PRKG1: variants seen among roughly 807,000 people sequenced by gnomAD.
The protein encoded by PRKG1 is cGMP-dependent protein kinase 1.
A neutral mutation model predicts 88.1 loss-of-function variants in PRKG1; 35 were observed. The observed-to-expected ratio is 0.40, with a 90% CI of 0.30 to 0.53. PRKG1 has a LOEUF of 0.53. Ranked by LOEUF, PRKG1 falls within the 20% of genes least tolerant of loss-of-function variation. PRKG1 has a pLI of 0.59. For synonymous variants in PRKG1, 303 were observed against 292.5 expected (o/e 1.04, Z -0.37); for missense variants, 540 against 839.8 (o/e 0.64, Z 4.41).
intron 2 of PRKG1, among the ~76,000 whole-genome samples, chr10:51,396,121 A>G (rs999791714): frequency 1.3e-5 from 2 of 152,212 alleles, no homozygotes; most frequent in Non-Finnish European, 2.9e-5. Context: ...TGCCATGGCT[A>G]ATGCCTGTAA....
intron 4 of PRKG1, among the ~76,000 whole-genome samples, chr10:51,895,022 G>A (rs562161701): frequency 1.3e-5 from 2 of 152,232 alleles, no homozygotes; most frequent in East Asian, 3.9e-4. Context: ...TTGTCTAAAT[G>A]AGAATTATAG....
intron 3 of PRKG1, among the ~76,000 whole-genome samples, chr10:51,776,165 C>A (rs1470017099): frequency 1.3e-5 from 2 of 151,746 alleles, no homozygotes; most frequent in South Asian, 2.1e-4. Context: ...GATTAACATT[C>A]AAAAAATGAT....
intron 3 of PRKG1, among the ~76,000 whole-genome samples, chr10:51,506,484 G>C (rs1841208471): frequency 6.6e-6 from 1 of 152,152 alleles, no homozygotes; most frequent in Admixed American, 6.5e-5. Flanking sequence ...ATCAACAAGT[G>C]GGCAAAGGAT....
At chr10:51,538,610 A>G (rs1589057502) in intron 3 of PRKG1, among the ~76,000 whole-genome samples, 1 of 150,808 alleles carries the variant, frequency 6.6e-6, no homozygotes, top group East Asian at 1.9e-4. Context: ...ATTCTACCAT[A>G]CCTGACTGTG....
At chr10:51,088,007 C>T (rs182212619) in intron 1 of PRKG1, among the ~76,000 whole-genome samples, 4 of 152,282 alleles carry the variant, frequency 2.6e-5, no homozygotes, top group Admixed American at 2.6e-4. Flanking sequence ...TCAAACGATC[C>T]ACCAGCCTTG....
intron 3 of PRKG1, among the ~76,000 whole-genome samples, chr10:51,504,005 T>G (rs1841114867): frequency 6.6e-6 from 1 of 152,144 alleles, no homozygotes; most frequent in Non-Finnish European, 1.5e-5. Context: ...AGAACAAAAG[T>G]AAGACAGAAA....
intron 3 of PRKG1, among the ~76,000 whole-genome samples, chr10:51,789,737 A>G (rs1351815623): frequency 6.6e-6 from 1 of 152,160 alleles, no homozygotes; most frequent in African/African-American, 2.4e-5. Context: ...GATGAACAAG[A>G]TGATACATTT....
At chr10:52,061,898 C>T (rs1225663142) in intron 6 of PRKG1, among the ~76,000 whole-genome samples, 2 of 151,768 alleles carry the variant, frequency 1.3e-5, no homozygotes, top group South Asian at 2.1e-4. Context: ...AAGGGACAGG[C>T]GTATCCTAGA....
intron 2 of PRKG1, among the ~76,000 whole-genome samples, chr10:51,231,004 T>G (rs1297806992): frequency 6.6e-6 from 1 of 152,180 alleles, no homozygotes; most frequent in Non-Finnish European, 1.5e-5. Context: ...CCCTGGTTAC[T>G]GTAAACCATT....
intron 2 of PRKG1, among the ~76,000 whole-genome samples, chr10:51,327,066 A>C (rs541460937): frequency 1.3e-5 from 2 of 152,330 alleles, no homozygotes; most frequent in Admixed American, 6.5e-5. Flanking sequence ...AACCTAAAAA[A>C]TATATAACCT....
chr10:51,620,978 T>C (rs184582472), intron 3 of PRKG1, among the ~76,000 whole-genome samples: 267 of 134,628 alleles, frequency 2.0e-3, no homozygotes, highest in African/African-American at 6.9e-3. Context: ...TGATTCCGTA[T>C]ATGTATGTGT....
chr10:52,083,984 T>C (rs1311195178), intron 7 of PRKG1, among the ~76,000 whole-genome samples: 1 of 152,016 alleles, frequency 6.6e-6, no homozygotes, highest in African/African-American at 2.4e-5. Context: ...AAATTCAAGT[T>C]TACATGAATA....
intron 7 of PRKG1, among the ~76,000 whole-genome samples, chr10:52,093,963 G>A (rs916633259): frequency 6.6e-6 from 1 of 152,124 alleles, no homozygotes; most frequent in Non-Finnish European, 1.5e-5. Context: ...ACCAGATTAA[G>A]AACCCCTATG....
chr10:52,053,540 T>C (rs547864747), intron 5 of PRKG1, among the ~76,000 whole-genome samples: 1 of 152,330 alleles, frequency 6.6e-6, no homozygotes, highest in Admixed American at 6.5e-5. Flanking sequence ...TCTGCTATGC[T>C]GCAGAGAAGG....
At chr10:51,719,598 A>G (rs10823456) in intron 3 of PRKG1, among the ~76,000 whole-genome samples, 67,253 of 152,004 alleles carry the variant, frequency 0.44, 15,498 homozygotes, top group Middle Eastern at 0.56. Flanking sequence ...ATCCTGGATT[A>G]AATCCTCAAA....
intron 2 of PRKG1, among the ~76,000 whole-genome samples, chr10:51,439,741 A>G (rs1436323206): frequency 1.3e-5 from 2 of 151,912 alleles, no homozygotes; most frequent in Admixed American, 6.6e-5. Flanking sequence ...GTTCTCTGAG[A>G]TTTTGAAGAA....
At chr10:52,022,893 A>G (rs11000492) in intron 5 of PRKG1, among the ~76,000 whole-genome samples, 2 of 152,300 alleles carry the variant, frequency 1.3e-5, no homozygotes, top group East Asian at 3.9e-4. Context: ...ATAAAAATGC[A>G]GAACTTTTGG....
chr10:51,568,229 T>C (rs1236106346), intron 3 of PRKG1, among the ~76,000 whole-genome samples: 1 of 152,072 alleles, frequency 6.6e-6, no homozygotes, highest in Non-Finnish European at 1.5e-5. Context: ...TGAAATAAGA[T>C]GACATTTTAT....
At chr10:51,195,156 T>C (rs1426622464) in intron 2 of PRKG1, among the ~76,000 whole-genome samples, 2 of 152,210 alleles carry the variant, frequency 1.3e-5, no homozygotes, top group African/African-American at 2.4e-5. Flanking sequence ...GTGTTGTATT[T>C]AAAAAACAGT....
Sources: allele counts gnomAD v4.1 joint callset (sites outside exome capture counted in the v4.1 genomes callset), GRCh38; gene constraint gnomAD v4.1.1; transcripts MANE v1.5; gene names NCBI Gene and HGNC (gene_info 2026-07-23, HGNC 2026-07-21).